The following GATA2 variants were observed in gnomAD, a reference collection of about 807,000 sequenced individuals.
GATA2 encodes the protein endothelial transcription factor GATA-2.
A neutral mutation model predicts 35.7 loss-of-function variants in GATA2; 6 were observed. The ratio of observed to expected loss-of-function variants is 0.17; its 90% CI spans 0.09 to 0.33. The LOEUF (loss-of-function observed/expected upper bound fraction) is 0.33. Among genes scored for constraint, GATA2 ranks in the 10% least tolerant of loss-of-function variants. The pLI is 1.00. For synonymous variants in GATA2, 313 were observed against 274.9 expected (o/e 1.14, Z -1.37); for missense variants, 541 against 656.6 (o/e 0.82, Z 1.92).
At chr3:128,491,740 T>A (rs572290987) in intron 1 of GATA2, among the ~76,000 whole-genome samples, 23 of 152,186 alleles carry the variant, frequency 1.5e-4, no homozygotes, top group African/African-American at 5.3e-4. Context: ...CTCGGCACCC[T>A]GGACCCAGGC....
chr3:128,481,389 C>T (rs868580362), intron 5 of GATA2, 71 bp from the exon 6 acceptor site: 89 of 1,549,292 alleles, frequency 5.7e-5, no homozygotes, highest in Middle Eastern at 3.3e-4. Flanking sequence ...CCCGCCACAG[C>T]GTGGACCAGA....
Position 128,486,333 on chromosome 3 carries a change from A to G in GATA2, c.265T>C (p.Leu89=), listed in dbSNP as rs777386255. 6.2e-7 allele frequency: 1 copy of G among 1,601,840 alleles called. No individual in the cohort carries two copies. Among genetic ancestry groups the G allele is most frequent in the African/African-American group, 1.3e-5 (1 of 74,950 alleles). ...LTGGQMCRPH[L]LHSPGLPWLD... ...CAGGGCAAACCCGGGCTGTGCAACA[A>G]GTGTGGGCGGCACATCTGGCCTCCG... The change falls in exon 3 of 6, where the codon TTG becomes CTG. Residue 89 remains leucine, a synonymous_variant. Transcript: ENST00000341105.
At position 128,493,062 on chromosome 3, in the gene GATA2, C is replaced by T. The variant is rs2068797472; in HGVS notation, c.-209G>A. 1.3e-5 allele frequency: 2 copies of T among 152,404 alleles called. No individual in the cohort carries two copies. Among genetic ancestry groups the T allele is most frequent in the Admixed American group, 6.5e-5 (1 of 15,290 alleles). 9.4% of individuals were successfully genotyped at this position (152,404 alleles called of 1,614,324 possible). A position where few individuals can be genotyped will look rare whatever the true frequency, so the allele number is the denominator to read the frequency against. On this transcript the variant is annotated 5_prime_UTR_variant, in exon 1 of 6. Transcript: ENST00000341105. ...CGCCGAGCGGCCGCATGGTGTTCAG[C>T]GGACCGCTTTTGTCCGCCTGGTGGG... is the stretch of plus-strand genomic sequence containing the variant.
chr3:128,489,048 G>A (rs2068741990), intron 1 of GATA2, among the ~76,000 whole-genome samples: 1 of 152,050 alleles, frequency 6.6e-6, no homozygotes, highest in Admixed American at 6.5e-5. Flanking sequence ...CAGGTGGGTC[G>A]GGGGCAGGAG....
chr3:128,485,540 CA>C (rs2068682911), intron 3 of GATA2, among the ~76,000 whole-genome samples, 186 bp downstream of exon 3: 1 of 152,106 alleles, frequency 6.6e-6, no homozygotes, highest in East Asian at 1.9e-4. Context: ...AAGAAAATGG[CA>C]AAAGTTTTAG....
In GATA2 at chr3:128,481,881, G is replaced by GCCATAAGGTGGTGGTTGT; in HGVS notation, c.1063_1080dup (p.Thr355_Trp360dup). On this transcript the variant is annotated inframe_insertion, in exon 5 of 6. Transcript: ENST00000341105. ...ACAGGGTCCCCGTTGGCGTTTCGGC[G>GCCATAAGGTGGTGGTTGT]CCATAAGGTGGTGGTTGTCGTCTGA... 6.2e-7 allele frequency: 1 copy of GCCATAAGGTGGTGGTTGT among 1,614,066 alleles called. No homozygotes were observed. The highest frequency in any genetic ancestry group is 8.5e-7 in the Non-Finnish European group (1 of 1,180,018).
At chr3:128,492,435 C>T (rs1207000623) in intron 1 of GATA2, among the ~76,000 whole-genome samples, 1 of 152,214 alleles carries the variant, frequency 6.6e-6, no homozygotes, top group Non-Finnish European at 1.5e-5. Context: ...TAAAGGGCTG[C>T]GGGGCGCAGC....
At position 128,483,368 on chromosome 3, in the gene GATA2, A is replaced by AT. The variant is rs564944614; in HGVS notation, c.1017+491dup. 2.0e-5 allele frequency among the ~76,000 whole-genome samples: 3 copies of AT among 152,300 alleles called. No individual in the cohort carries two copies. The highest frequency in any genetic ancestry group is 6.5e-5 in the Admixed American group (1 of 15,298). On this transcript the variant is annotated intron_variant, in intron 4 of 5. Transcript: ENST00000341105. ...ACTCCGGCAGGAGATCCGAAAGGGC[A>AT]TTTTTTTAAAATCACTCAAATGAAA... is the stretch of plus-strand genomic sequence containing the variant.
intron 3 of GATA2, among the ~76,000 whole-genome samples, chr3:128,484,713 A>C (rs2068673075): frequency 6.6e-6 from 1 of 152,144 alleles, no homozygotes; most frequent in Non-Finnish European, 1.5e-5. Context: ...AACAGGAGAA[A>C]GGACCAAGAA....
In GATA2 at chr3:128,480,282, G is replaced by A. The variant is rs2068607908; in HGVS notation, c.*737C>T. 1 of 233,252 alleles carries A rather than the reference G, an allele frequency of 4.3e-6. No homozygotes were observed. The highest frequency in any genetic ancestry group is 2.2e-5 in the African/African-American group (1 of 45,364). The allele number at this position is 233,252 out of a possible 1,614,324, so 14.4% of individuals were successfully genotyped here. ...GGCTGTGGCTTGCGCTCAGTAAGGGGACACAGTCACAGCAGCTTCGGCCTC... is the reference window on the plus strand; with the variant it reads ...GGCTGTGGCTTGCGCTCAGTAAGGGAACACAGTCACAGCAGCTTCGGCCTC... On this transcript the variant is annotated 3_prime_UTR_variant, in exon 6 of 6. Coordinates refer to ENST00000341105, the MANE Select transcript of GATA2 (RefSeq NM_032638.5).
Position 128,488,686 on chromosome 3 carries a change from G to T in GATA2, c.-45-1610C>A, listed in dbSNP as rs963610024. On this transcript the variant is annotated intron_variant, in intron 1 of 5. Transcript: ENST00000341105. This position sits in a 1 kb window ranked among gnomAD's most constrained non-coding sequence, Gnocchi z 5.8. ...GGAGGGAGACGCCCCCGGGCAAGAGGTGGCATTTTTTTTCCTCCGGGGGGG... is the reference window on the plus strand; with the variant it reads ...GGAGGGAGACGCCCCCGGGCAAGAGTTGGCATTTTTTTTCCTCCGGGGGGG... Among the ~76,000 whole-genome samples, 3 of 152,262 alleles carry T rather than the reference G, an allele frequency of 2.0e-5. No homozygotes were observed. The highest frequency in any genetic ancestry group is 4.4e-5 in the Non-Finnish European group (3 of 67,988).
intron 1 of GATA2, among the ~76,000 whole-genome samples, chr3:128,487,358 C>A (rs1412546356): frequency 6.6e-6 from 1 of 152,182 alleles, no homozygotes; most frequent in Non-Finnish European, 1.5e-5. Context: ...CCAACAAACG[C>A]ACAGAGCAGC....
intron 4 of GATA2, among the ~76,000 whole-genome samples, chr3:128,482,732 G>A (rs879522741): frequency 6.6e-6 from 1 of 152,144 alleles, no homozygotes; most frequent in East Asian, 1.9e-4. Context: ...GCCTGGCAGA[G>A]GTAGGGTCTG....
Position 128,487,043 on chromosome 3 carries a change from G to A in GATA2, c.-12C>T. 6.4e-7 allele frequency: 1 copy of A among 1,563,114 alleles called. No individual in the cohort carries two copies. The highest frequency in any genetic ancestry group is 8.7e-7 in the Non-Finnish European group (1 of 1,154,918). Reference sequence around the variant, plus strand: ...GGCGCCACCTCCATGGCCGGCGGCGGCGGCTCAGGGTCTGGGTGCAGACGG... The same window carrying A: ...GGCGCCACCTCCATGGCCGGCGGCGACGGCTCAGGGTCTGGGTGCAGACGG... On this transcript the variant is annotated 5_prime_UTR_variant, in exon 2 of 6. Coordinates refer to ENST00000341105, the MANE Select transcript of GATA2 (RefSeq NM_032638.5).
At chr3:128,486,772 G>C in intron 2 of GATA2, 31 bp downstream of exon 2, 1 of 1,568,168 alleles carries the variant, frequency 6.4e-7, no homozygotes, top group Non-Finnish European at 8.7e-7. Context: ...CGCGGCGCCT[G>C]GGTTCTCATC....
chr3:128,490,158 T>A (rs1226709176), intron 1 of GATA2: 1 of 152,118 alleles, frequency 6.6e-6, no homozygotes, highest in Non-Finnish European at 1.5e-5. Context: ...CGCAGCGAGC[T>A]CGGCGTCTAA....
rs1576744314 is a variant in GATA2 at position 128,481,147 on chromosome 3, G to A, written c.1315C>T (p.Pro439Ser). The A allele has an allele frequency of 6.2e-7, 1 of 1,614,250 alleles. No individual in the cohort carries two copies. Among genetic ancestry groups the A allele is most frequent in the African/African-American group, 1.3e-5 (1 of 75,070 alleles). The change falls in exon 6 of 6, where the codon CCT (proline) becomes TCT (serine). Residue 439 changes from proline (P) to serine (S), a missense_variant. This residue lies in a region of GATA2 where 95 missense variants were observed against 114.0 expected (regional missense o/e 0.83). Transcript: ENST00000341105. Reference protein sequence around the residue: ...SAAALAGHMAPVGHLPPFSHS... With the variant: ...SAAALAGHMASVGHLPPFSHS... Reference sequence around the variant, plus strand: ...CTGAAGGGCGGGAGGTGGCCCACAGGTGCCATGTGTCCAGCCAGGGCAGCT... The same window carrying A: ...CTGAAGGGCGGGAGGTGGCCCACAGATGCCATGTGTCCAGCCAGGGCAGCT...
At position 128,480,983 on chromosome 3, in the gene GATA2, C is replaced by T; in HGVS notation, c.*36G>A. On this transcript the variant is annotated 3_prime_UTR_variant, in exon 6 of 6. Transcript: ENST00000341105. ...GCTGCTAAGGGTTTGGTCCACCCAT[C>T]CCGGGAGTGCCCGGTCCTCGACGTC... 1 of 1,513,532 alleles carries T rather than the reference C, an allele frequency of 6.6e-7. No individual in the cohort carries two copies. Among genetic ancestry groups the T allele is most frequent in the Non-Finnish European group, 8.9e-7 (1 of 1,129,480 alleles). The allele number at this position is 1,513,532 out of a possible 1,614,324, so 93.8% of individuals were successfully genotyped here.
In GATA2 at chr3:128,483,744, A is replaced by G. The variant is rs377528572; in HGVS notation, c.1017+116T>C. ...AACTGACATCCCAGTGCTTTTCATG[A>G]TAAAAGAGGATTTCAAGCGGCAAAG... On this transcript the variant is annotated intron_variant, in intron 4 of 5. Coordinates refer to ENST00000341105, the MANE Select transcript of GATA2 (RefSeq NM_032638.5). 1.1e-3 allele frequency: 1,520 copies of G among 1,388,670 alleles called. 26 individuals carry two copies. The South Asian group carries it at 0.017, about 16-fold the overall frequency. 86.0% of individuals were successfully genotyped at this position (1,388,670 alleles called of 1,614,324 possible). A position where few individuals can be genotyped will look rare whatever the true frequency, so the allele number is the denominator to read the frequency against.
Sources: allele counts gnomAD v4.1 joint callset (sites outside exome capture counted in the v4.1 genomes callset), GRCh38; gene constraint gnomAD v4.1.1; regional missense constraint gnomAD v4.1.1; non-coding constraint Gnocchi (gnomAD v3.1); transcripts MANE v1.5; gene names NCBI Gene and HGNC (gene_info 2026-07-23, HGNC 2026-07-21).